Variants in SEH1L observed in about 807,000 individuals in gnomAD.
The protein encoded by SEH1L is nucleoporin SEH1.
In SEH1L, 18 loss-of-function variants were observed where a neutral mutation model predicts 49.5. The ratio of observed to expected loss-of-function variants is 0.36; its 90% CI spans 0.25 to 0.54. The LOEUF is 0.54. SEH1L is among the 20% of genes least tolerant of loss of function. The pLI is 0.87. For missense variants in SEH1L, 404 were observed against 528.8 expected (o/e 0.76, Z 2.31); for synonymous variants, 169 against 178.1 (o/e 0.95, Z 0.41).
chr18:12,970,990 C>T (rs1568221424), intron 4 of SEH1L, among the ~76,000 whole-genome samples, 163 bp from the exon 5 acceptor site: 1 of 152,190 alleles, frequency 6.6e-6, no homozygotes, highest in Non-Finnish European at 1.5e-5. Flanking sequence ...CAGGTGCATA[C>T]TTGCAGTGTG....
intron 5 of SEH1L, among the ~76,000 whole-genome samples, chr18:12,975,528 G>A (rs1259678038): frequency 6.6e-6 from 1 of 151,640 alleles, no homozygotes; most frequent in Non-Finnish European, 1.5e-5. Context: ...TGTTCTGCAA[G>A]CAGAGAGGAG....
intron 3 of SEH1L, among the ~76,000 whole-genome samples, chr18:12,956,049 CTTTTT>C (rs869047416): frequency 3.2e-4 from 43 of 133,944 alleles, no homozygotes; most frequent in African/African-American, 1.1e-3. Flanking sequence ...TAATAAAATT[CTTTTT>C]TTTTTTTTTA....
Position 12,948,142 on chromosome 18 carries a change from C to T in SEH1L, c.21C>T (p.Ile7=), listed in dbSNP as rs1288922233. Residue 7 remains isoleucine, a synonymous_variant, in exon 1 of 9, where the codon ATC becomes ATT. Coordinates refer to ENST00000399892, the MANE Select transcript of SEH1L (RefSeq NM_001013437.2). MFVARS[I]AADHKDLIHD... is the part of the protein sequence containing the mutation. ...AAACCATGTTTGTGGCTCGCAGCAT[C>T]GCGGCGGACCACAAGGATCTCATCC... 8 of 1,608,616 alleles carry T rather than the reference C, an allele frequency of 5.0e-6. No homozygotes were observed. Among genetic ancestry groups the T allele is most frequent in the Non-Finnish European group, 6.8e-6 (8 of 1,178,478 alleles).
intron 3 of SEH1L, among the ~76,000 whole-genome samples, chr18:12,957,948 A>G (rs9951081): frequency 0.035 from 5,271 of 151,874 alleles, 264 homozygotes; most frequent in African/African-American, 0.11. Context: ...GACTGAAGCA[A>G]TCCTCTCACC....
At chr18:12,985,138 T>C in intron 8 of SEH1L, 1 of 1,307,432 alleles carries the variant, frequency 7.6e-7, no homozygotes, top group Non-Finnish European at 1.1e-6. Flanking sequence ...CTTTTGTAAA[T>C]AGCTTCTATT....
At chr18:12,967,610 G>A (rs574708732) in intron 4 of SEH1L, among the ~76,000 whole-genome samples, 2 of 152,272 alleles carry the variant, frequency 1.3e-5, no homozygotes, top group African/African-American at 4.8e-5. Context: ...TGCACCTGCC[G>A]ATGAATGACC....
intron 1 of SEH1L, 65 bp downstream of exon 1, chr18:12,948,297 C>T: frequency 1.8e-6 from 2 of 1,128,442 alleles, no homozygotes; most frequent in Non-Finnish European, 2.7e-6. Flanking sequence ...GTGGGCGGCG[C>T]GGGGAACGGG....
Position 12,987,332 on chromosome 18 carries a change from C to T in SEH1L, c.*275C>T. Reference sequence around the variant, plus strand: ...ACACACAGTAGCTGACTTCAAAGTGCCTGTTCTGTAAATTTTATTTTAAAC... The same window carrying T: ...ACACACAGTAGCTGACTTCAAAGTGTCTGTTCTGTAAATTTTATTTTAAAC... On this transcript the variant is annotated 3_prime_UTR_variant, in exon 9 of 9. Transcript: ENST00000399892. The T allele has an allele frequency of 4.2e-6, 1 of 239,918 alleles. No homozygotes were observed. The highest frequency in any genetic ancestry group is 8.0e-6 in the Non-Finnish European group (1 of 125,262). 14.9% of individuals were successfully genotyped at this position (239,918 alleles called of 1,614,324 possible). A position where few individuals can be genotyped will look rare whatever the true frequency, so the allele number is the denominator to read the frequency against.
intron 5 of SEH1L, chr18:12,975,744 T>C (rs564585034): frequency 2.0e-6 from 2 of 987,142 alleles, no homozygotes; most frequent in East Asian, 1.1e-4. Context: ...GAGATGACTT[T>C]GGCAGCTGTG....
intron 4 of SEH1L, among the ~76,000 whole-genome samples, chr18:12,968,952 C>G (rs2031567872): frequency 6.6e-6 from 1 of 152,128 alleles, no homozygotes. Context: ...GGGTGGCTCA[C>G]GTAATTCCAG....
At chr18:12,981,878 G>C (rs76966363) in intron 6 of SEH1L, among the ~76,000 whole-genome samples, 1 of 7,692 alleles carries the variant, frequency 1.3e-4, no homozygotes, top group African/African-American at 7.5e-4. Flanking sequence ...TTTTTTTTTT[G>C]AGGCAAGGTC....
intron 1 of SEH1L, among the ~76,000 whole-genome samples, chr18:12,950,129 G>T (rs2030430129): frequency 6.6e-6 from 1 of 151,776 alleles, no homozygotes; most frequent in African/African-American, 2.4e-5. Context: ...AACATCCCAG[G>T]TTCAAGCCAT....
rs1833061421 is a variant in SEH1L at position 12,987,353 on chromosome 18, T to A, written c.*296T>A. On this transcript the variant is annotated 3_prime_UTR_variant, in exon 9 of 9. Coordinates refer to ENST00000399892, the MANE Select transcript of SEH1L (RefSeq NM_001013437.2). ...AGTGCCTGTTCTGTAAATTTTATTT[T>A]AAACTGTTACCATAGTCTTAAGTTG... The A allele has an allele frequency of 9.8e-6, 2 of 203,744 alleles. No individual in the cohort carries two copies. Among genetic ancestry groups the A allele is most frequent in the Non-Finnish European group, 2.0e-5 (2 of 102,178 alleles). 12.6% of individuals were successfully genotyped at this position (203,744 alleles called of 1,614,324 possible). A position where few individuals can be genotyped will look rare whatever the true frequency, so the allele number is the denominator to read the frequency against.
At chr18:12,958,430 C>G (rs1041173181) in intron 3 of SEH1L, among the ~76,000 whole-genome samples, 1 of 152,236 alleles carries the variant, frequency 6.6e-6, no homozygotes, top group African/African-American at 2.4e-5. Flanking sequence ...GAATTAATTA[C>G]GTTCACAGTG....
At chr18:12,972,939 C>T (rs1378064316) in intron 5 of SEH1L, 2 of 152,190 alleles carry the variant, frequency 1.3e-5, no homozygotes, top group Non-Finnish European at 2.9e-5. Flanking sequence ...CGCGAGGTGA[C>T]TTATGCCTGC....
chr18:12,971,457 AC>A (rs2031696077), intron 5 of SEH1L: 1 of 353,586 alleles, frequency 2.8e-6, no homozygotes, highest in Non-Finnish European at 5.3e-6. Flanking sequence ...ATATGGTGAA[AC>A]CCCGTCTCTA....
At chr18:12,986,583 C>T in intron 8 of SEH1L, 1 of 990,092 alleles carries the variant, frequency 1.0e-6, no homozygotes, top group Non-Finnish European at 1.2e-6. Context: ...TTCTTTGTAA[C>T]ATTTATATAT....
intron 6 of SEH1L, among the ~76,000 whole-genome samples, chr18:12,981,547 T>G (rs1389025601): frequency 1.3e-5 from 2 of 152,256 alleles, no homozygotes; most frequent in Non-Finnish European, 2.9e-5. Flanking sequence ...TTAATGTCAT[T>G]TTTGAAGAAT....
intron 4 of SEH1L, 143 bp downstream of exon 4, chr18:12,963,514 A>T (rs1389768328): frequency 1.6e-6 from 1 of 624,370 alleles, no homozygotes; most frequent in African/African-American, 1.8e-5. Context: ...TCACCCAGGC[A>T]TGTCATTTGT....
Sources: allele counts gnomAD v4.1 joint callset (sites outside exome capture counted in the v4.1 genomes callset), GRCh38; gene constraint gnomAD v4.1.1; transcripts MANE v1.5; gene names NCBI Gene and HGNC (gene_info 2026-07-23, HGNC 2026-07-21).